MTUS1: variants seen among roughly 807,000 people sequenced by gnomAD.
The protein encoded by MTUS1 is microtubule-associated tumor suppressor 1.
MTUS1 carries 109 observed loss-of-function variants against 120.8 expected under a neutral mutation model. That is an observed-to-expected ratio of 0.90 (90% CI 0.77 to 1.06). MTUS1 has a LOEUF of 1.06. Among genes scored for constraint, MTUS1 ranks in the 50% least tolerant of loss-of-function variants. MTUS1 has a pLI of 0.00. For missense variants in MTUS1, 2,210 were observed against 1,486.3 expected (o/e 1.49, Z -8.01); for synonymous variants, 737 against 550.5 (o/e 1.34, Z -4.74).
At chr8:17,750,625 T>A (rs987434701) in intron 2 of MTUS1, among the ~76,000 whole-genome samples, 5 of 152,178 alleles carry the variant, frequency 3.3e-5, no homozygotes, top group Admixed American at 2.6e-4. Flanking sequence ...AGTATTAAAA[T>A]GTCGACAACA....
At chr8:17,778,299 T>A (rs1478339101) in intron 1 of MTUS1, among the ~76,000 whole-genome samples, 2 of 152,132 alleles carry the variant, frequency 1.3e-5, no homozygotes, top group African/African-American at 4.8e-5. Context: ...ATAACTCCAT[T>A]TATATAATAT....
intron 1 of MTUS1, among the ~76,000 whole-genome samples, chr8:17,769,058 T>A (rs9644562): frequency 0.97 from 148,293 of 152,096 alleles, 72,401 homozygotes; most frequent in East Asian, 1. Context: ...AAGCCTCTGC[T>A]TGGGGGTGGA....
At chr8:17,789,646 T>C (rs1307469391) in intron 1 of MTUS1, among the ~76,000 whole-genome samples, 1 of 152,200 alleles carries the variant, frequency 6.6e-6, no homozygotes, top group African/African-American at 2.4e-5. Flanking sequence ...CCTCCCAACC[T>C]TTATTAAACA....
intron 2 of MTUS1, among the ~76,000 whole-genome samples, chr8:17,745,187 A>T (rs1282739701): frequency 3.3e-5 from 5 of 152,200 alleles, no homozygotes; most frequent in African/African-American, 1.2e-4. Context: ...TGAAAGGAAC[A>T]ATTTCTAAGT....
intron 1 of MTUS1, among the ~76,000 whole-genome samples, chr8:17,764,355 G>GA (rs1184640369): frequency 1.4e-5 from 2 of 142,366 alleles, no homozygotes; most frequent in Admixed American, 1.4e-4. Context: ...AAATAGCAGG[G>GA]AAAAATGGTA....
At chr8:17,678,748 C>CCA (rs1813634918) in intron 7 of MTUS1, among the ~76,000 whole-genome samples, 1 of 133,062 alleles carries the variant, frequency 7.5e-6, no homozygotes, top group African/African-American at 2.9e-5. Context: ...ATTCCACTTG[C>CCA]AAAAAAAAAA....
At chr8:17,664,208 C>T (rs1313655642) in intron 8 of MTUS1, 1 of 152,206 alleles carries the variant, frequency 6.6e-6, no homozygotes. Context: ...TCAAGTCTTT[C>T]CCTTCCGCTA....
chr8:17,723,614 G>C (rs1462833750), intron 4 of MTUS1, 58 bp downstream of exon 4: 1 of 1,541,268 alleles, frequency 6.5e-7, no homozygotes. Flanking sequence ...CAGAGCATTA[G>C]TTTTTCTTGT....
At chr8:17,800,617 T>C (rs547824812) in intron 1 of MTUS1, 4 of 152,312 alleles carry the variant, frequency 2.6e-5, no homozygotes, top group Non-Finnish European at 4.4e-5. Context: ...GATGAGATTT[T>C]TCTAGAGCGT....
rs1289879252 is a variant in MTUS1 at position 17,675,338 on chromosome 8, G to C, written c.2839-86C>G. 2.5e-6 allele frequency: 3 copies of C among 1,203,988 alleles called. No individual in the cohort carries two copies. The Admixed American group carries it at 5.6e-5, about 22-fold the overall frequency. The allele number at this position is 1,203,988 out of a possible 1,614,324, so 74.6% of individuals were successfully genotyped here. A position where few individuals can be genotyped will look rare whatever the true frequency, so the allele number is the denominator to read the frequency against. On this transcript the variant is annotated intron_variant, in intron 7 of 14. Transcript: ENST00000693296. ...ACATTTGTTATCACTAGGAAAATGA[G>C]ACCCAGTATTGGGAAGCCAAGATAT...
intron 8 of MTUS1, among the ~76,000 whole-genome samples, chr8:17,665,181 G>C (rs980305051): frequency 6.6e-6 from 1 of 152,170 alleles, no homozygotes; most frequent in Non-Finnish European, 1.5e-5. Flanking sequence ...CAGACAAGTG[G>C]TAGACCAGGT....
intron 1 of MTUS1, among the ~76,000 whole-genome samples, chr8:17,761,376 T>C (rs1190513921): frequency 6.6e-6 from 1 of 152,216 alleles, no homozygotes; most frequent in East Asian, 1.9e-4. Flanking sequence ...ATAGAATTCA[T>C]CATCATTACC....
chr8:17,787,591 A>C (rs1258293658), intron 1 of MTUS1, among the ~76,000 whole-genome samples: 1 of 152,232 alleles, frequency 6.6e-6, no homozygotes, highest in Non-Finnish European at 1.5e-5. Context: ...AAACTGACTC[A>C]GGAACTGGGT....
chr8:17,672,582 C>T (rs1291490971), intron 8 of MTUS1, among the ~76,000 whole-genome samples: 1 of 152,184 alleles, frequency 6.6e-6, no homozygotes, highest in Non-Finnish European at 1.5e-5. Flanking sequence ...CTTCCTGGAC[C>T]GCTTCATCAC....
At chr8:17,710,698 CAGA>C (rs1821105053) in intron 6 of MTUS1, among the ~76,000 whole-genome samples, 1 of 152,198 alleles carries the variant, frequency 6.6e-6, no homozygotes, top group South Asian at 2.1e-4. Context: ...AAACCCTTTT[CAGA>C]AGGTTTTCAA....
At chr8:17,713,282 A>C in intron 5 of MTUS1, 30 bp from the exon 6 acceptor site, 1 of 1,297,432 alleles carries the variant, frequency 7.7e-7, no homozygotes, top group Non-Finnish European at 1.1e-6. Context: ...TGTAAAATAC[A>C]TATGTTTTAT....
At chr8:17,698,803 T>C (rs1818472817) in intron 6 of MTUS1, among the ~76,000 whole-genome samples, 1 of 152,122 alleles carries the variant, frequency 6.6e-6, no homozygotes, top group Non-Finnish European at 1.5e-5. Context: ...CAATAACCTG[T>C]CCAGGGTTCC....
intron 1 of MTUS1, among the ~76,000 whole-genome samples, chr8:17,774,982 A>G (rs2050301126): frequency 6.6e-6 from 1 of 150,708 alleles, no homozygotes; most frequent in Non-Finnish European, 1.5e-5. Context: ...AAAAAAAAAA[A>G]AAAAAAAAAA....
At chr8:17,742,311 T>TTTTTTTTTTTTTTTA (rs1554516969) in intron 3 of MTUS1, among the ~76,000 whole-genome samples, 9 of 139,620 alleles carry the variant, frequency 6.4e-5, no homozygotes, top group Non-Finnish European at 1.1e-4. Context: ...TTTTTTTTTT[T>TTTTTTTTTTTTTTTA]AGAGATAGTG....
Sources: allele counts gnomAD v4.1 joint callset (sites outside exome capture counted in the v4.1 genomes callset), GRCh38; gene constraint gnomAD v4.1.1; transcripts MANE v1.5; gene names NCBI Gene and HGNC (gene_info 2026-07-23, HGNC 2026-07-21).